The following USH2A variants were observed in gnomAD, a reference collection of about 807,000 sequenced individuals.
USH2A encodes usherin.
Under a neutral mutation model 538.9 loss-of-function variants are expected in USH2A, and 443 were observed. The ratio of observed to expected loss-of-function variants is 0.82; its 90% CI spans 0.76 to 0.89. USH2A has a LOEUF of 0.89. USH2A is among the 40% of genes least tolerant of loss of function. The pLI, the probability that USH2A is intolerant of heterozygous loss-of-function variation, is 0.00. For missense variants in USH2A, 6,633 were observed against 6,324.8 expected, an observed-to-expected ratio of 1.05 and a Z score of -1.65; for synonymous variants, 2,413 against 2,273.5, an observed-to-expected ratio of 1.06 and a Z score of -1.75.
At chr1:216,370,356 A>T (rs1196112203) in intron 3 of USH2A, among the ~76,000 whole-genome samples, 1 of 144,932 alleles carries the variant, frequency 6.9e-6, no homozygotes, top group Non-Finnish European at 1.5e-5. Flanking sequence ...GTGAGACTCT[A>T]TCCAAAAAAA....
At chr1:216,331,861 GA>G (rs2102665540) in intron 4 of USH2A, among the ~76,000 whole-genome samples, 1 of 152,234 alleles carries the variant, frequency 6.6e-6, no homozygotes, top group Non-Finnish European at 1.5e-5. Flanking sequence ...ATGGCAGAGT[GA>G]AAACAATGGA....
intron 61 of USH2A, among the ~76,000 whole-genome samples, chr1:215,717,055 C>T (rs887077193): frequency 8.5e-5 from 13 of 152,140 alleles, no homozygotes; most frequent in Admixed American, 1.3e-4. Flanking sequence ...TTCTACCCTA[C>T]GGTAATTTCT....
chr1:215,769,621 A>C (rs1661223595), intron 55 of USH2A, among the ~76,000 whole-genome samples: 1 of 152,086 alleles, frequency 6.6e-6, no homozygotes, highest in Non-Finnish European at 1.5e-5. Flanking sequence ...AGTTTGCTAC[A>C]GGTGTTTACA....
chr1:215,903,729 T>C (rs1326167580), intron 38 of USH2A, among the ~76,000 whole-genome samples: 1 of 152,106 alleles, frequency 6.6e-6, no homozygotes, highest in Non-Finnish European at 1.5e-5. Flanking sequence ...CGCAGTTTCT[T>C]AGTGAGCAAA....
chr1:215,840,969 T>C (rs1451219693), intron 46 of USH2A, among the ~76,000 whole-genome samples: 1 of 152,146 alleles, frequency 6.6e-6, no homozygotes, highest in Admixed American at 6.5e-5. Flanking sequence ...GTCCACATAT[T>C]CCATGCTAAG....
intron 4 of USH2A, among the ~76,000 whole-genome samples, chr1:216,349,563 C>T (rs1404755046): frequency 6.6e-6 from 1 of 152,090 alleles, no homozygotes; most frequent in Admixed American, 6.6e-5. Flanking sequence ...TAAGAGTGAC[C>T]TCTGGTTGTC....
At chr1:215,965,723 G>A (rs1004115388) in intron 36 of USH2A, among the ~76,000 whole-genome samples, 1 of 152,044 alleles carries the variant, frequency 6.6e-6, no homozygotes. Context: ...CAGAATATGT[G>A]GATCTGCTCA....
chr1:216,209,416 A>T (rs1234223130), intron 15 of USH2A, among the ~76,000 whole-genome samples: 1 of 152,210 alleles, frequency 6.6e-6, no homozygotes, highest in African/African-American at 2.4e-5. Context: ...AACCACATAG[A>T]ATCTTGGAGG....
At chr1:216,007,915 T>C (rs962279924) in intron 32 of USH2A, among the ~76,000 whole-genome samples, 1 of 152,192 alleles carries the variant, frequency 6.6e-6, no homozygotes, top group African/African-American at 2.4e-5. Context: ...ATCATAACTG[T>C]ACACAGAGAT....
chr1:215,780,028 G>A lies in USH2A; in HGVS notation c.10754C>T (p.Thr3585Ile), dbSNP rs2102760750. The A allele has an allele frequency of 6.2e-7, 1 of 1,614,142 alleles. No individual in the cohort carries two copies. Among genetic ancestry groups the A allele is most frequent in the South Asian group, 1.1e-5 (1 of 91,084 alleles). Reference sequence around the variant, plus strand: ...GATGCTCTCCGGAACTCCTTGGGTAGTAGCTGCAACTACCTGAAGACGTAG... The same window carrying A: ...GATGCTCTCCGGAACTCCTTGGGTAATAGCTGCAACTACCTGAAGACGTAG... ...CATSSKVVAATTQGVPESILP... is the reference protein window; with the variant it reads ...CATSSKVVAAITQGVPESILP... The change falls in exon 55 of 72, where the codon ACT (threonine) becomes ATT (isoleucine). Residue 3585 changes from threonine to isoleucine, a missense_variant. By Grantham distance (89) the Thr-to-Ile change is moderately conservative. Coordinates refer to ENST00000307340, the MANE Select transcript of USH2A (RefSeq NM_206933.4).
At position 216,366,648 on chromosome 1, in the gene USH2A, C is replaced by T. The variant is rs541451068; in HGVS notation, c.652-1563G>A. On this transcript the variant is annotated intron_variant, in intron 3 of 71. Transcript: ENST00000307340. ...AAACAGGAAGTTACTACAATAATTA[C>T]TTGGTAATACGGATTATTTCAAGAA... Among the ~76,000 whole-genome samples the T allele has an allele frequency of 2.0e-5, 3 of 152,138 alleles. 1 individual carries two copies. In the South Asian group the frequency reaches 6.2e-4, roughly 32 times the overall value.
intron 3 of USH2A, among the ~76,000 whole-genome samples, chr1:216,414,307 A>C (rs944320136): frequency 2.0e-5 from 3 of 152,144 alleles, no homozygotes; most frequent in African/African-American, 7.2e-5. Context: ...ATTCAAGTCC[A>C]TAAATGAATA....
At chr1:215,969,592 T>C (rs1181137863) in intron 36 of USH2A, among the ~76,000 whole-genome samples, 39 of 151,952 alleles carry the variant, frequency 2.6e-4, no homozygotes, top group Non-Finnish European at 1.5e-5. Context: ...CCTATTGCCA[T>C]TCCTGCATTT....
rs748216235 is a variant in USH2A at position 216,198,584 on chromosome 1, C to T, written c.3812G>A (p.Gly1271Glu). The change falls in exon 18 of 72, where the codon GGA becomes GAA. Residue 1271 changes from glycine to glutamate, a missense_variant and splice_region_variant. Physicochemically the swap from Gly to Glu is moderately conservative, Grantham distance 98. Transcript: ENST00000307340. ...GTATAGTTCATATCTTATAATTATT[C>T]CTAGAGAAATTAAATAGTGAACCTA... Reference protein sequence around the residue: ...VEWSPPAELNGIIIRYELYMR... With the variant: ...VEWSPPAELNEIIIRYELYMR... 1.2e-5 allele frequency: 19 copies of T among 1,611,718 alleles called. No homozygotes were observed. The highest frequency in any genetic ancestry group is 4.2e-6 in the Non-Finnish European group (5 of 1,179,436).
chr1:215,931,580 A>G (rs1420948846), intron 38 of USH2A, among the ~76,000 whole-genome samples: 1 of 152,026 alleles, frequency 6.6e-6, no homozygotes, highest in Non-Finnish European at 1.5e-5. Context: ...GTGTACAGAG[A>G]AGGTCTCTTT....
At chr1:216,001,715 C>T (rs906852202) in intron 32 of USH2A, among the ~76,000 whole-genome samples, 2 of 152,120 alleles carry the variant, frequency 1.3e-5, no homozygotes, top group African/African-American at 4.8e-5. Flanking sequence ...TAATGAAATG[C>T]AACCTAATTC....
chr1:216,000,611 T>C (rs1160964118), intron 32 of USH2A, 49 bp from the exon 33 acceptor site: 9 of 1,607,264 alleles, frequency 5.6e-6, no homozygotes, highest in Non-Finnish European at 7.7e-6. Context: ...TACTTCTTAT[T>C]GAGGAGATTT....
At chr1:215,789,782 C>A (rs898385591) in intron 51 of USH2A, among the ~76,000 whole-genome samples, 1 of 152,124 alleles carries the variant, frequency 6.6e-6, no homozygotes, top group Non-Finnish European at 1.5e-5. Context: ...ACGACCTGTG[C>A]TGGCTCTTTC....
Position 215,743,416 on chromosome 1 carries a change from G to GTATATA in USH2A, c.11390-87_11390-82dup, listed in dbSNP as rs1263179301. The GTATATA allele has an allele frequency of 1.3e-4, 32 of 238,562 alleles. 5 individuals are homozygous for GTATATA. Among genetic ancestry groups the GTATATA allele is most frequent in the African/African-American group, 9.5e-4 (30 of 31,496 alleles). 14.8% of individuals were successfully genotyped at this position (238,562 alleles called of 1,614,324 possible). A position where few individuals can be genotyped will look rare whatever the true frequency, so the allele number is the denominator to read the frequency against. The stretch of plus-strand genomic sequence containing the variant: ...TGTGTGTGTGTGTGTGTGTGTGTGT[G>GTATATA]TATATATATATAGACACACATATAT... On this transcript the variant is annotated intron_variant, in intron 58 of 71. Transcript: ENST00000307340.
Sources: gnomAD v4.1 joint callset for allele counts (sites outside exome capture counted in the v4.1 genomes callset) on GRCh38, gnomAD v4.1.1 for gene constraint, MANE v1.5 for transcripts, NCBI Gene and HGNC (gene_info 2026-07-23, HGNC 2026-07-21) for gene names.